Variants in STK31 observed in about 807,000 individuals in gnomAD.
STK31 encodes the protein serine/threonine kinase 31.
A neutral mutation model predicts 129.7 loss-of-function variants in STK31; 89 were observed. The observed-to-expected ratio is 0.69, with a 90% CI of 0.58 to 0.82. The LOEUF is 0.82. Among genes scored for constraint, STK31 ranks in the 40% least tolerant of loss-of-function variants. The pLI is 0.00. For missense variants in STK31, 1,187 were observed against 1,176.4 expected, an observed-to-expected ratio of 1.01 and a Z score of -0.13; for synonymous variants, 448 against 395.3, an observed-to-expected ratio of 1.13 and a Z score of -1.58.
At position 23,786,763 on chromosome 7, in the gene STK31, C is replaced by T. The variant is rs1037398784; in HGVS notation, c.2401-75C>T. 1.9e-6 allele frequency: 3 copies of T among 1,545,942 alleles called. No homozygotes were observed. In the African/African-American group the frequency reaches 4.1e-5, roughly 21 times the overall value. On this transcript the variant is annotated intron_variant, in intron 19 of 23. Coordinates refer to ENST00000355870, the MANE Select transcript of STK31 (RefSeq NM_031414.5). ...CCTTAACATAAAAGAAAAATTATCC[C>T]ATAGAATCAATGTATGCTAAAAATA...
intron 21 of STK31, among the ~76,000 whole-genome samples, chr7:23,788,907 G>C (rs1310539772): frequency 6.6e-6 from 1 of 152,016 alleles, no homozygotes; most frequent in Non-Finnish European, 1.5e-5. Flanking sequence ...TTGAATTCCA[G>C]AACATTATTA....
chr7:23,711,529 A>G (rs529674050), intron 1 of STK31, among the ~76,000 whole-genome samples: 1 of 152,192 alleles, frequency 6.6e-6, no homozygotes, highest in South Asian at 2.1e-4. Flanking sequence ...AAAATTACAT[A>G]GTGTACATTT....
chr7:23,721,630 G>A (rs1786704963), intron 4 of STK31: 2 of 871,254 alleles, frequency 2.3e-6, no homozygotes, highest in Admixed American at 1.7e-5. Context: ...TGCGTCGAAT[G>A]TAAATACAAG....
At chr7:23,743,532 T>C (rs1788176467) in intron 8 of STK31, among the ~76,000 whole-genome samples, 1 of 152,234 alleles carries the variant, frequency 6.6e-6, no homozygotes, top group South Asian at 2.1e-4. Flanking sequence ...TTATAATTGA[T>C]GACACGCCTT....
intron 5 of STK31, 184 bp downstream of exon 5, chr7:23,727,499 G>T: frequency 6.7e-6 from 3 of 447,924 alleles, no homozygotes; most frequent in Admixed American, 3.6e-5. Context: ...GATTATTCAA[G>T]AATAGATTAT....
At chr7:23,771,361 A>G (rs985241324) in intron 14 of STK31, 14 of 309,046 alleles carry the variant, frequency 4.5e-5, no homozygotes, top group African/African-American at 2.0e-4. Context: ...TTTTGCCTGT[A>G]TGAGTCTACT....
chr7:23,739,718 T>C (rs931180474), intron 8 of STK31, among the ~76,000 whole-genome samples: 6 of 152,340 alleles, frequency 3.9e-5, no homozygotes, highest in Admixed American at 2.6e-4. Flanking sequence ...CAACACCGTT[T>C]ATAAAATAGG....
chr7:23,743,595 G>A (rs972829542), intron 8 of STK31, among the ~76,000 whole-genome samples: 11 of 152,136 alleles, frequency 7.2e-5, no homozygotes, highest in Admixed American at 1.3e-4. Flanking sequence ...CAGGTTGACT[G>A]TAATATGCTG....
At chr7:23,717,923 A>T (rs1301925070) in intron 4 of STK31, among the ~76,000 whole-genome samples, 1 of 152,112 alleles carries the variant, frequency 6.6e-6, no homozygotes, top group Non-Finnish European at 1.5e-5. Context: ...GTTATCAGGG[A>T]CTGGGGGAAG....
chr7:23,728,072 C>CTTTTTT lies in STK31; in HGVS notation c.324+780_324+785dup, dbSNP rs56355518. Among the ~76,000 whole-genome samples the CTTTTTT allele has an allele frequency of 1.0e-4, 7 of 68,264 alleles. 1 individual carries two copies. The highest frequency in any genetic ancestry group is 3.8e-4 in the Admixed American group (2 of 5,300). The allele number at this position is 68,264 out of a possible 152,430, so 44.8% of individuals were successfully genotyped here. On this transcript the variant is annotated intron_variant, in intron 5 of 23. Transcript: ENST00000355870. ...TGTGGTGAGTTTTCTTTGTGTTAAG[C>CTTTTTT]TTTTTTTTTTTTTTTTTTTTTTTTT...
At chr7:23,740,181 A>G (rs983471955) in intron 8 of STK31, among the ~76,000 whole-genome samples, 4 of 152,090 alleles carry the variant, frequency 2.6e-5, no homozygotes, top group African/African-American at 4.8e-5. Flanking sequence ...GGCTCAAGCA[A>G]TCCTTCCTCT....
intron 6 of STK31, among the ~76,000 whole-genome samples, chr7:23,733,180 G>A (rs962456102): frequency 1.3e-5 from 2 of 151,874 alleles, no homozygotes; most frequent in African/African-American, 4.8e-5. Flanking sequence ...AGTATTATAG[G>A]AATTTTATGC....
At position 23,781,452 on chromosome 7, in the gene STK31, A is replaced by G; in HGVS notation, c.1999A>G (p.Ile667Val). 1 of 1,611,682 alleles carries G rather than the reference A, an allele frequency of 6.2e-7. No individual in the cohort carries two copies. Among genetic ancestry groups the G allele is most frequent in the Non-Finnish European group, 8.5e-7 (1 of 1,179,168 alleles). ...DDPDGSQIEK[I>V]KEEITQLRNN... ...TCCTGATGGCTCTCAAATTGAGAAA[A>G]TAAAAGAAGAAATAACTCAGCTGCG... is the stretch of plus-strand genomic sequence containing the variant. The change falls in exon 16 of 24, where the codon ATA (isoleucine) becomes GTA (valine). Residue 667 changes from isoleucine to valine, a missense_variant. Coordinates refer to ENST00000355870, the MANE Select transcript of STK31 (RefSeq NM_031414.5).
At chr7:23,736,232 G>C (rs1481198866) in intron 7 of STK31, among the ~76,000 whole-genome samples, 3 of 152,150 alleles carry the variant, frequency 2.0e-5, no homozygotes, top group Non-Finnish European at 4.4e-5. Context: ...AAGATTTGAA[G>C]TTCTTCCTAT....
intron 22 of STK31, among the ~76,000 whole-genome samples, chr7:23,795,842 T>G (rs1791917825): frequency 6.6e-6 from 1 of 152,214 alleles, no homozygotes; most frequent in South Asian, 2.1e-4. Context: ...TTTGGCCAAT[T>G]TCTCCCATTT....
rs1045725352 is a variant in STK31, at chr7:23,797,687, T to A, written c.2760+6741T>A. Among the ~76,000 whole-genome samples the A allele has an allele frequency of 2.0e-5, 3 of 151,904 alleles. No homozygotes were observed. The East Asian group carries it at 5.8e-4, about 29-fold the overall frequency. On this transcript the variant is annotated intron_variant, in intron 22 of 23. Transcript: ENST00000355870. ...AAGATCTAAAATCGACACCCTAACA[T>A]CACAATTAAAAGATCTACAGAAGCA...
chr7:23,728,754 A>G (rs939156875), intron 5 of STK31, among the ~76,000 whole-genome samples: 10 of 152,100 alleles, frequency 6.6e-5, no homozygotes, highest in Non-Finnish European at 1.2e-4. Context: ...ATGTTGATTG[A>G]TTTTAACATT....
chr7:23,719,465 A>C (rs1233925442), intron 4 of STK31, among the ~76,000 whole-genome samples: 1 of 152,138 alleles, frequency 6.6e-6, no homozygotes, highest in Non-Finnish European at 1.5e-5. Context: ...ATAACTCTCC[A>C]CAAGTTTTCC....
chr7:23,805,276 A>G (rs1400074902), intron 22 of STK31, among the ~76,000 whole-genome samples: 3 of 152,040 alleles, frequency 2.0e-5, no homozygotes, highest in Non-Finnish European at 4.4e-5. Context: ...GGGTTTCACC[A>G]TCTTGCTCAG....
Sources: allele counts gnomAD v4.1 joint callset (sites outside exome capture counted in the v4.1 genomes callset), GRCh38; gene constraint gnomAD v4.1.1; transcripts MANE v1.5; gene names NCBI Gene and HGNC (gene_info 2026-07-23, HGNC 2026-07-21).